MUC20: variants seen among roughly 807,000 people sequenced by gnomAD.
MUC20 encodes the protein mucin-20.
A neutral mutation model predicts 23.8 loss-of-function variants in MUC20; 14 were observed. The observed-to-expected ratio is 0.59, with a 90% CI of 0.39 to 0.92. The LOEUF is 0.92. MUC20 is among the 40% of genes least tolerant of loss of function. The pLI is 0.00. For synonymous variants in MUC20, 166 were observed against 279.3 expected (o/e 0.59, Z 4.04); for missense variants, 375 against 668.8 (o/e 0.56, Z 4.85).
chr3:195,729,314 CTTTTTTTTT>C (rs10575022), intron 2 of MUC20: 2 of 171,316 alleles, frequency 1.2e-5, no homozygotes, highest in Non-Finnish European at 2.3e-5. Context: ...TCATCCTCCT[CTTTTTTTTT>C]TTTTTTTTTT....
intron 2 of MUC20, among the ~76,000 whole-genome samples, chr3:195,727,636 A>G (rs1712836622): frequency 6.6e-6 from 1 of 152,280 alleles, no homozygotes; most frequent in Non-Finnish European, 1.5e-5. Flanking sequence ...TCAATACATA[A>G]AGATATTATT....
intron 2 of MUC20, among the ~76,000 whole-genome samples, chr3:195,727,172 G>A (rs1470669607): frequency 2.0e-5 from 3 of 152,248 alleles, no homozygotes; most frequent in African/African-American, 2.4e-5. Context: ...GGCAGAGGCC[G>A]GCGGATCACC....
chr3:195,729,755 C>T lies in MUC20; in HGVS notation c.2061+16C>T. On this transcript the variant is annotated intron_variant, in intron 3 of 3. Coordinates refer to ENST00000447234, the MANE Select transcript of MUC20 (RefSeq NM_001282506.2). Reference sequence around the variant, plus strand: ...GATGCAGCAGGTGAGTGGGCACTTTCCGGGCCAGGGGAGTAGAGGAAGGGG... The same window carrying T: ...GATGCAGCAGGTGAGTGGGCACTTTTCGGGCCAGGGGAGTAGAGGAAGGGG... 1 of 1,581,862 alleles carries T rather than the reference C, an allele frequency of 6.3e-7. No homozygotes were observed. The highest frequency in any genetic ancestry group is 8.6e-7 in the Non-Finnish European group (1 of 1,162,896).
rs1311558809 is a variant in MUC20 at position 195,726,017 on chromosome 3, A to T, written c.1414A>T (p.Thr472Ser). ...CTCCACTGAAGCAAAACCACACATC[A>T]CTGAGGTCACAGCCTCTGCCGAGAC... ...PDSTEAKPHI[T>S]EVTASAETLS... is the part of the protein sequence containing the mutation. Residue 472 changes from threonine (T) to serine (S), a missense_variant, in exon 2 of 4, where the codon ACT becomes TCT. Transcript: ENST00000447234. The T allele has an allele frequency of 3.1e-6, 5 of 1,613,936 alleles. No individual in the cohort carries two copies. Among genetic ancestry groups the T allele is most frequent in the Non-Finnish European group, 4.2e-6 (5 of 1,179,876 alleles).
chr3:195,729,348 C>A, intron 2 of MUC20: 1 of 228,142 alleles, frequency 4.4e-6, no homozygotes. Context: ...GACAGTTTCG[C>A]TCTTGTTGCC....
At chr3:195,728,508 A>G (rs999009940) in intron 2 of MUC20, among the ~76,000 whole-genome samples, 3 of 152,222 alleles carry the variant, frequency 2.0e-5, no homozygotes, top group East Asian at 1.9e-4. Context: ...AACATGTCTC[A>G]CCTCCCGCCA....
chr3:195,727,021 T>C (rs114834009), intron 2 of MUC20, among the ~76,000 whole-genome samples: 2,354 of 152,106 alleles, frequency 0.015, 24 homozygotes, highest in African/African-American at 0.052. Flanking sequence ...CCCAAGCTGC[T>C]GCTCTCTGAC....
chr3:195,727,273 G>C (rs539812994), intron 2 of MUC20, among the ~76,000 whole-genome samples: 1 of 152,348 alleles, frequency 6.6e-6, no homozygotes, highest in South Asian at 2.1e-4. Context: ...AGTGGTGGGC[G>C]CCTGTAATCC....
intron 2 of MUC20, chr3:195,729,350 C>A: frequency 1.1e-5 from 2 of 184,642 alleles, no homozygotes; most frequent in Non-Finnish European, 2.0e-5. Context: ...CAGTTTCGCT[C>A]TTGTTGCCCA....
chr3:195,725,992 C>T lies in MUC20; in HGVS notation c.1389C>T (p.Asp463=). The change falls in exon 2 of 4, where the codon GAC becomes GAT. Residue 463 remains aspartate, a synonymous_variant. Transcript: ENST00000447234. ...CCTCCGATCCACCAGCTCTGCCTGA[C>T]TCCACTGAAGCAAAACCACACATCA... The part of the protein sequence containing the change: ...SSTSDPPALP[D]STEAKPHITE... 6 of 1,614,012 alleles carry T rather than the reference C, an allele frequency of 3.7e-6. No homozygotes were observed. The highest frequency in any genetic ancestry group is 5.1e-6 in the Non-Finnish European group (6 of 1,179,880).
chr3:195,728,422 C>T (rs1398298320), intron 2 of MUC20, among the ~76,000 whole-genome samples: 1 of 152,276 alleles, frequency 6.6e-6, no homozygotes, highest in Non-Finnish European at 1.5e-5. Context: ...CCTGGATGTG[C>T]ACGTAGGCCA....
At position 195,726,067 on chromosome 3, in the gene MUC20, G is replaced by A. The variant is rs765066194; in HGVS notation, c.1464G>A (p.Glu488=). The change falls in exon 2 of 4, where the codon GAG becomes GAA. Residue 488 remains glutamate, a synonymous_variant. Transcript: ENST00000447234. ...AETLSTAGTT[E]SAAPDATVGT... ...CCCTGTCCACAGCCGGCACCACAGA[G>A]TCAGCTGCACCTGATGCCACGGTTG... The A allele has an allele frequency of 1.2e-6, 2 of 1,613,742 alleles. No individual in the cohort carries two copies. The highest frequency in any genetic ancestry group is 2.2e-5 in the South Asian group (2 of 91,052).
intron 2 of MUC20, among the ~76,000 whole-genome samples, chr3:195,728,226 C>T (rs950209702): frequency 2.0e-5 from 3 of 152,282 alleles, no homozygotes; most frequent in African/African-American, 7.2e-5. Flanking sequence ...GACCGTCGCT[C>T]AGCATACCAA....
chr3:195,729,541 C>G (rs1713138352), intron 2 of MUC20, 107 bp from the exon 3 acceptor site: 2 of 1,074,398 alleles, frequency 1.9e-6, no homozygotes, highest in South Asian at 2.9e-5. Flanking sequence ...GTCTCAAACT[C>G]CCGATCTCAG....
intron 3 of MUC20, among the ~76,000 whole-genome samples, chr3:195,731,826 G>T (rs1253955185): frequency 4.6e-5 from 7 of 152,264 alleles, no homozygotes; most frequent in Non-Finnish European, 8.8e-5. Context: ...CTTAGCAGCA[G>T]TGAGGCCAAT....
chr3:195,726,459 G>A lies in MUC20; in HGVS notation c.1856G>A (p.Arg619Gln), dbSNP rs373026727. 332 of 1,614,024 alleles carry A rather than the reference G, an allele frequency of 2.1e-4. No individual in the cohort carries two copies. Among genetic ancestry groups the A allele is most frequent in the Non-Finnish European group, 2.2e-4 (262 of 1,179,882 alleles). ...SVPPTTTNSS[R>Q]GTNSTLAKIT... ...CCTCCGACTACAACCAACAGCAGCC[G>A]AGGGACGAACAGCACCTTAGCCAAG... Residue 619 changes from arginine (R) to glutamine (Q), a missense_variant, in exon 2 of 4, where the codon CGA becomes CAA. Transcript: ENST00000447234.
In MUC20 at chr3:195,723,016, A is replaced by T. The variant is rs1428883808; in HGVS notation, c.77-1664A>T. The stretch of plus-strand genomic sequence containing the variant: ...TGGGCTTTGGAATATAAGCCCTTTC[A>T]CCTTCTCCGCTGGTCCTCATCACGT... On this transcript the variant is annotated intron_variant, in intron 1 of 3. Transcript: ENST00000447234. Among the ~76,000 whole-genome samples the T allele has an allele frequency of 2.4e-5, 3 of 127,378 alleles. No individual in the cohort carries two copies. The East Asian group carries it at 6.3e-4, about 27-fold the overall frequency. 83.6% of individuals were successfully genotyped at this position (127,378 alleles called of 152,430 possible).
chr3:195,732,730 G>A (rs1267237892), intron 3 of MUC20, among the ~76,000 whole-genome samples: 4 of 152,234 alleles, frequency 2.6e-5, no homozygotes, highest in East Asian at 3.9e-4. Flanking sequence ...GAAAGAAACC[G>A]CGAGATCAGG....
chr3:195,733,487 AAG>A lies in MUC20; in HGVS notation c.*275_*276del. On this transcript the variant is annotated 3_prime_UTR_variant, in exon 4 of 4. Transcript: ENST00000447234. ...TTGGCACATGTTCTGTGTTTCAGTA[AAG>A]AGAGACCTGATCACCCATCTGTGTG... is the stretch of plus-strand genomic sequence containing the variant. The A allele has an allele frequency of 5.8e-6, 8 of 1,390,782 alleles. No individual in the cohort carries two copies. Among genetic ancestry groups the A allele is most frequent in the Non-Finnish European group, 7.4e-6 (8 of 1,077,578 alleles). 86.2% of individuals were successfully genotyped at this position (1,390,782 alleles called of 1,614,324 possible).
Sources: gnomAD v4.1 joint callset for allele counts (sites outside exome capture counted in the v4.1 genomes callset) on GRCh38, gnomAD v4.1.1 for gene constraint, MANE v1.5 for transcripts, NCBI Gene and HGNC (gene_info 2026-07-23, HGNC 2026-07-21) for gene names.